The following PHLPP1 variants were observed in gnomAD, a reference collection of about 807,000 sequenced individuals.
The protein encoded by PHLPP1 is PH domain and leucine rich repeat protein phosphatase 1.
PHLPP1 carries 42 observed loss-of-function variants against 117.2 expected under a neutral mutation model. The ratio of observed to expected loss-of-function variants is 0.36; its 90% CI spans 0.28 to 0.46. The LOEUF (loss-of-function observed/expected upper bound fraction) is 0.46, where lower values mean the gene tolerates loss of function less well. Ranked by LOEUF, PHLPP1 falls within the 20% of genes least tolerant of loss-of-function variation. The pLI is 1.00. For missense variants in PHLPP1, 2,084 were observed against 2,241.9 expected (o/e 0.93, Z 1.42); for synonymous variants, 1,042 against 970.7 (o/e 1.07, Z -1.37).
intron 4 of PHLPP1, among the ~76,000 whole-genome samples, chr18:62,871,721 T>C (rs1042327863): frequency 4.0e-5 from 6 of 150,690 alleles, no homozygotes; most frequent in African/African-American, 1.5e-4. Flanking sequence ...CTCAGCTCAC[T>C]GCAGCCTCCA....
At chr18:62,908,566 G>A (rs1599114716) in intron 8 of PHLPP1, among the ~76,000 whole-genome samples, 1 of 22,012 alleles carries the variant, frequency 4.5e-5, no homozygotes, top group African/African-American at 2.4e-4. Flanking sequence ...ATTACATAAT[G>A]GTAAAGGGAT....
chr18:62,735,602 AC>A (rs1417161434), intron 1 of PHLPP1, among the ~76,000 whole-genome samples: 39 of 141,656 alleles, frequency 2.8e-4, no homozygotes, highest in Non-Finnish European at 4.9e-4. Flanking sequence ...AACAACAACA[AC>A]AAAACCAGTT....
chr18:62,848,848 C>T lies in PHLPP1; in HGVS notation c.1899+9939C>T, dbSNP rs569255005. On this transcript the variant is annotated intron_variant, in intron 3 of 16. Coordinates refer to ENST00000262719, the MANE Select transcript of PHLPP1 (RefSeq NM_194449.4). ...CAGATGAGGGAACTGATATATAAAG[C>T]GTTCAATTACTGCTTTATGCATTAA... 2.6e-5 allele frequency among the ~76,000 whole-genome samples: 4 copies of T among 152,234 alleles called. No homozygotes were observed. In the East Asian group the frequency reaches 5.8e-4, roughly 22 times the overall value.
At chr18:62,947,097 T>A (rs952889026) in intron 12 of PHLPP1, among the ~76,000 whole-genome samples, 1 of 152,238 alleles carries the variant, frequency 6.6e-6, no homozygotes, top group Non-Finnish European at 1.5e-5. Context: ...CCAGAATTTT[T>A]ACTTTCTGTA....
intron 13 of PHLPP1, among the ~76,000 whole-genome samples, chr18:62,962,010 G>A (rs1455003785): frequency 6.6e-6 from 1 of 152,248 alleles, no homozygotes; most frequent in Non-Finnish European, 1.5e-5. Context: ...AGATTTGGGA[G>A]TAATGAGTAC....
At chr18:62,762,283 C>T (rs183613028) in intron 1 of PHLPP1, among the ~76,000 whole-genome samples, 201 of 150,500 alleles carry the variant, frequency 1.3e-3, no homozygotes, top group Admixed American at 3.0e-3. Context: ...AAATAATTAT[C>T]GGCTGACACT....
chr18:62,726,949 C>T (rs1028495343), intron 1 of PHLPP1, among the ~76,000 whole-genome samples: 4 of 150,762 alleles, frequency 2.7e-5, no homozygotes, highest in African/African-American at 9.7e-5. Context: ...AAGGAGAGGC[C>T]GGGTGCGGTG....
intron 1 of PHLPP1, among the ~76,000 whole-genome samples, chr18:62,749,887 A>G (rs2122084932): frequency 6.6e-6 from 1 of 152,296 alleles, no homozygotes; most frequent in East Asian, 1.9e-4. Flanking sequence ...ATGGTGGCAC[A>G]TGCCTGTAGT....
chr18:62,770,591 T>C (rs1369687171), intron 1 of PHLPP1, among the ~76,000 whole-genome samples: 4 of 152,340 alleles, frequency 2.6e-5, no homozygotes, highest in Non-Finnish European at 5.9e-5. Context: ...TTTAGAAATA[T>C]ATTGGTGATG....
chr18:62,929,085 A>G (rs1184811462), intron 10 of PHLPP1, among the ~76,000 whole-genome samples: 1 of 152,206 alleles, frequency 6.6e-6, no homozygotes, highest in Non-Finnish European at 1.5e-5. Flanking sequence ...AGTTTGTGAA[A>G]AAAACTAAAA....
intron 6 of PHLPP1, among the ~76,000 whole-genome samples, chr18:62,900,514 C>G (rs968600812): frequency 2.9e-5 from 4 of 137,338 alleles, no homozygotes; most frequent in African/African-American, 8.4e-5. Context: ...CAGCTTGTTA[C>G]CCAAGCTGTG....
At chr18:62,903,580 C>A (rs958938733) in intron 7 of PHLPP1, among the ~76,000 whole-genome samples, 1 of 151,880 alleles carries the variant, frequency 6.6e-6, no homozygotes, top group East Asian at 1.9e-4. Flanking sequence ...TCATGTTTGA[C>A]TAACAAAGAA....
chr18:62,877,956 T>G (rs1397106307), intron 4 of PHLPP1, among the ~76,000 whole-genome samples: 1 of 152,240 alleles, frequency 6.6e-6, no homozygotes, highest in Non-Finnish European at 1.5e-5. Context: ...TGGGATAGTT[T>G]AAGATGTTCT....
At position 62,716,155 on chromosome 18, in the gene PHLPP1, C is replaced by T. The variant is rs1214098538; in HGVS notation, c.472C>T (p.Pro158Ser). 3 of 1,518,324 alleles carry T rather than the reference C, an allele frequency of 2.0e-6. No homozygotes were observed. Among genetic ancestry groups the T allele is most frequent in the African/African-American group, 1.4e-5 (1 of 70,600 alleles). 94.1% of individuals were successfully genotyped at this position (1,518,324 alleles called of 1,614,324 possible). The part of the protein sequence containing the change: ...ASHSPGAAGL[P>S]ASCSASASLC... ...GCACTCCCCCGGCGCTGCCGGCCTCCCCGCCTCCTGCTCGGCCTCGGCGTC... is the reference window on the plus strand; with the variant it reads ...GCACTCCCCCGGCGCTGCCGGCCTCTCCGCCTCCTGCTCGGCCTCGGCGTC... The change falls in exon 1 of 17, where the codon CCC (proline) becomes TCC (serine). Residue 158 changes from proline to serine, a missense_variant. Around this residue, in one of 2 missense-constraint regions of PHLPP1, gnomAD observed 719 missense variants for 636.0 expected, o/e 1.13. Transcript: ENST00000262719. The surrounding 1 kb of genome is among the most constrained non-coding windows in gnomAD (Gnocchi z 5.7).
rs139403657 is a variant in PHLPP1, at chr18:62,813,942, ATTTTC to A, written c.1577-16089_1577-16085del. Among the ~76,000 whole-genome samples the A allele has an allele frequency of 3.9e-3, 587 of 151,718 alleles. 1 individual carries two copies. Among genetic ancestry groups the A allele is most frequent in the African/African-American group, 0.014 (569 of 41,398 alleles). ...TCATTTTACTATAGTTTATGTGAGA[ATTTTC>A]TTTGGTGGATTTTTTTTTTCCTTTT... On this transcript the variant is annotated intron_variant, in intron 1 of 16. Transcript: ENST00000262719.
intron 10 of PHLPP1, among the ~76,000 whole-genome samples, chr18:62,921,869 G>A (rs1432104058): frequency 6.6e-6 from 1 of 152,182 alleles, no homozygotes; most frequent in Admixed American, 6.5e-5. Flanking sequence ...CCCAGAACAA[G>A]ATATAGAACA....
chr18:62,949,714 C>T (rs1293518538), intron 12 of PHLPP1, among the ~76,000 whole-genome samples: 1 of 152,096 alleles, frequency 6.6e-6, no homozygotes, highest in Non-Finnish European at 1.5e-5. Context: ...AACAGACAGG[C>T]CTCCCTCTGG....
At chr18:62,801,605 A>G (rs1913787741) in intron 1 of PHLPP1, among the ~76,000 whole-genome samples, 1 of 151,464 alleles carries the variant, frequency 6.6e-6, no homozygotes, top group African/African-American at 2.4e-5. Flanking sequence ...GGCATGCACC[A>G]CCATGCCCGG....
intron 1 of PHLPP1, among the ~76,000 whole-genome samples, chr18:62,789,860 A>G (rs1478394888): frequency 3.3e-5 from 5 of 152,208 alleles, no homozygotes. Flanking sequence ...AAGTAAACAT[A>G]TAAACCTTTG....
Sources: gnomAD v4.1 joint callset for allele counts (sites outside exome capture counted in the v4.1 genomes callset) on GRCh38, gnomAD v4.1.1 for gene constraint, gnomAD v4.1.1 regional missense constraint, Gnocchi (gnomAD v3.1) non-coding constraint, MANE v1.5 for transcripts, NCBI Gene and HGNC (gene_info 2026-07-23, HGNC 2026-07-21) for gene names.